Variants in GKAP1 observed in about 807,000 individuals in gnomAD.
GKAP1 encodes G kinase-anchoring protein 1.
A neutral mutation model predicts 56.7 loss-of-function variants in GKAP1; 31 were observed. The observed-to-expected ratio is 0.55, with a 90% CI of 0.41 to 0.74. The LOEUF is 0.74. Ranked by LOEUF, GKAP1 falls within the 30% of genes least tolerant of loss-of-function variation. The pLI is 0.00. For missense variants in GKAP1, 364 were observed against 402.3 expected (o/e 0.90, Z 0.82); for synonymous variants, 151 against 138.6 (o/e 1.09, Z -0.63).
chr9:83,756,865 C>A (rs1479262837), intron 8 of GKAP1, among the ~76,000 whole-genome samples: 1 of 152,142 alleles, frequency 6.6e-6, no homozygotes, highest in Non-Finnish European at 1.5e-5. Context: ...AAAATTTCTA[C>A]AAGAGATACT....
At chr9:83,816,291 T>G (rs1274459920) in intron 2 of GKAP1, among the ~76,000 whole-genome samples, 1 of 152,192 alleles carries the variant, frequency 6.6e-6, no homozygotes, top group Non-Finnish European at 1.5e-5. Flanking sequence ...CCAATGGGTA[T>G]GCCCCAAACT....
intron 8 of GKAP1, among the ~76,000 whole-genome samples, chr9:83,766,624 C>T (rs1318543739): frequency 3.3e-5 from 5 of 152,062 alleles, no homozygotes; most frequent in Admixed American, 2.6e-4. Flanking sequence ...ACTGAATTTA[C>T]CAGTCTTTGT....
At chr9:83,772,042 C>G (rs1230629873) in intron 7 of GKAP1, among the ~76,000 whole-genome samples, 1 of 151,804 alleles carries the variant, frequency 6.6e-6, no homozygotes, top group Non-Finnish European at 1.5e-5. Context: ...TGATAACAAA[C>G]TATAGGGGGG....
intron 7 of GKAP1, among the ~76,000 whole-genome samples, chr9:83,770,439 C>T (rs1034032388): frequency 1.3e-5 from 2 of 152,168 alleles, no homozygotes; most frequent in Non-Finnish European, 2.9e-5. Context: ...GACTCTTGTC[C>T]AAAATCAATA....
At chr9:83,768,260 A>T (rs1044908180) in intron 8 of GKAP1, among the ~76,000 whole-genome samples, 3 of 152,078 alleles carry the variant, frequency 2.0e-5, no homozygotes, top group Non-Finnish European at 2.9e-5. Flanking sequence ...GGCCTTTTAT[A>T]TTTCAGGACG....
chr9:83,791,717 A>C (rs1223297344), intron 4 of GKAP1, among the ~76,000 whole-genome samples: 4 of 152,228 alleles, frequency 2.6e-5, no homozygotes, highest in African/African-American at 7.2e-5. Context: ...TTGCCCTTGA[A>C]GAATTCCTAC....
At chr9:83,782,881 C>G (rs1944000094) in intron 6 of GKAP1, among the ~76,000 whole-genome samples, 1 of 152,050 alleles carries the variant, frequency 6.6e-6, no homozygotes, top group Admixed American at 6.5e-5. Context: ...GTTGGCCAGG[C>G]TGGGCTCGAA....
chr9:83,779,563 A>G (rs908435186), intron 7 of GKAP1, among the ~76,000 whole-genome samples: 1 of 116,536 alleles, frequency 8.6e-6, no homozygotes, highest in Admixed American at 8.2e-5. Flanking sequence ...ATATGTGTAT[A>G]TATATACACA....
At chr9:83,784,133 G>A (rs1367472726) in intron 6 of GKAP1, among the ~76,000 whole-genome samples, 1 of 151,808 alleles carries the variant, frequency 6.6e-6, no homozygotes, top group Non-Finnish European at 1.5e-5. Flanking sequence ...TGGGCATGGT[G>A]GCATAGGCCT....
rs1237095565 is a variant in GKAP1, at chr9:83,743,563, C to T, written c.905-963G>A. Among the ~76,000 whole-genome samples the T allele has an allele frequency of 4.6e-5, 7 of 152,158 alleles. 1 individual carries two copies. The highest frequency in any genetic ancestry group is 4.6e-4 in the Admixed American group (7 of 15,276). ...TAAGCCAAGCTCACGCCACTGGACT[C>T]CAGCCTGGGTGACAGAGTGAGATTC... On this transcript the variant is annotated intron_variant, in intron 10 of 12. Coordinates refer to ENST00000376371, the MANE Select transcript of GKAP1 (RefSeq NM_025211.4).
intron 3 of GKAP1, among the ~76,000 whole-genome samples, chr9:83,802,483 GA>G (rs201998640): frequency 0.037 from 2,106 of 57,176 alleles, 35 homozygotes; most frequent in East Asian, 0.082. Flanking sequence ...CTCCATCTCA[GA>G]AAAAAAAAAA....
chr9:83,753,675 A>C (rs1320531962), intron 8 of GKAP1, among the ~76,000 whole-genome samples: 5 of 152,190 alleles, frequency 3.3e-5, no homozygotes, highest in Non-Finnish European at 1.5e-5. Flanking sequence ...AAAAATTCAA[A>C]AATTCAAAAA....
chr9:83,788,691 A>G lies in GKAP1; in HGVS notation c.361-13T>C. The stretch of plus-strand genomic sequence containing the variant: ...TTTCAGATGTCAGCTACAAAAAAAA[A>G]GTTTCACAATAAACAGACAGTATCA... On this transcript the variant is annotated splice_polypyrimidine_tract_variant and intron_variant, in intron 4 of 12. Transcript: ENST00000376371. 2 of 1,575,846 alleles carry G rather than the reference A, an allele frequency of 1.3e-6. No homozygotes were observed. The highest frequency in any genetic ancestry group is 1.1e-5 in the South Asian group (1 of 89,350).
At chr9:83,748,526 T>C (rs1943332396) in intron 9 of GKAP1, 154 bp from the exon 10 acceptor site, 1 of 461,658 alleles carries the variant, frequency 2.2e-6, no homozygotes, top group Non-Finnish European at 3.8e-6. Flanking sequence ...TTCGGAACTA[T>C]CTACAACTTA....
chr9:83,740,246 T>A (rs1943183808), intron 12 of GKAP1, among the ~76,000 whole-genome samples: 1 of 152,154 alleles, frequency 6.6e-6, no homozygotes, highest in African/African-American at 2.4e-5. Context: ...ATTGCTTAGT[T>A]GCATATATAA....
At chr9:83,795,967 A>G (rs12057022) in intron 4 of GKAP1, among the ~76,000 whole-genome samples, 85,815 of 152,086 alleles carry the variant, frequency 0.56, 24,822 homozygotes, top group Admixed American at 0.7. Context: ...TTCATCCTGT[A>G]TAGGCAACCA....
intron 7 of GKAP1, among the ~76,000 whole-genome samples, chr9:83,775,898 AAGAG>A (rs1180892469): frequency 2.0e-5 from 3 of 149,516 alleles, no homozygotes; most frequent in African/African-American, 4.9e-5. Context: ...AAAAAAAAAA[AAGAG>A]AGAGAAAAGA....
chr9:83,801,161 C>T (rs1356077358), intron 3 of GKAP1, among the ~76,000 whole-genome samples: 1 of 152,034 alleles, frequency 6.6e-6, no homozygotes, highest in Non-Finnish European at 1.5e-5. Flanking sequence ...GGTGAAGACA[C>T]AGATACACAG....
intron 3 of GKAP1, among the ~76,000 whole-genome samples, chr9:83,805,856 C>T (rs1944431884): frequency 6.6e-6 from 1 of 152,190 alleles, no homozygotes; most frequent in Non-Finnish European, 1.5e-5. Flanking sequence ...GTGGCTCACG[C>T]CTGTAATCCC....
Sources: gnomAD v4.1 joint callset for allele counts (sites outside exome capture counted in the v4.1 genomes callset) on GRCh38, gnomAD v4.1.1 for gene constraint, MANE v1.5 for transcripts, NCBI Gene and HGNC (gene_info 2026-07-23, HGNC 2026-07-21) for gene names.